Variants in RAP1GAP2 observed in about 807,000 individuals in gnomAD.
RAP1GAP2 encodes rap1 GTPase-activating protein 2.
Under a neutral mutation model 95.0 loss-of-function variants are expected in RAP1GAP2, and 27 were observed. That is an observed-to-expected ratio of 0.28 (90% CI 0.21 to 0.39). The LOEUF is 0.39. Among genes scored for constraint, RAP1GAP2 ranks in the 10% least tolerant of loss-of-function variants. The pLI, the probability that RAP1GAP2 is intolerant of heterozygous loss-of-function variation, is 1.00. For synonymous variants in RAP1GAP2, 373 were observed against 380.9 expected, an observed-to-expected ratio of 0.98 and a Z score of 0.24; for missense variants, 771 against 970.0, an observed-to-expected ratio of 0.79 and a Z score of 2.72.
Position 3,005,617 on chromosome 17 carries a change from C to G in RAP1GAP2, c.1272+177C>G, listed in dbSNP as rs2046308349. On this transcript the variant is annotated intron_variant, in intron 15 of 24. Coordinates refer to ENST00000254695, the MANE Select transcript of RAP1GAP2 (RefSeq NM_015085.5). The surrounding 1 kb of genome is among the most constrained non-coding windows in gnomAD (Gnocchi z 5.2). ...TCCCCACCTCTTTCATGCTGCCAGTCTGGCCCAGCATAGGACCACTTGTCA... is the reference window on the plus strand; with the variant it reads ...TCCCCACCTCTTTCATGCTGCCAGTGTGGCCCAGCATAGGACCACTTGTCA... Among the ~76,000 whole-genome samples, 1 of 152,196 alleles carries G rather than the reference C, an allele frequency of 6.6e-6. No homozygotes were observed. The highest frequency in any genetic ancestry group is 2.4e-5 in the African/African-American group (1 of 41,452).
chr17:2,949,049 C>G (rs1413531092), intron 3 of RAP1GAP2, among the ~76,000 whole-genome samples: 1 of 152,212 alleles, frequency 6.6e-6, no homozygotes, highest in Non-Finnish European at 1.5e-5. Flanking sequence ...GACTTCTCTG[C>G]CTTTCTGAAG....
chr17:2,791,885 A>G (rs1597315294), upstream of RAP1GAP2, among the ~76,000 whole-genome samples: 2 of 120,242 alleles, frequency 1.7e-5, no homozygotes, highest in Non-Finnish European at 1.7e-5. Context: ...TTTGAGATGG[A>G]GTCTCACTCT....
In RAP1GAP2 at chr17:2,849,998, G is replaced by GTTTTTTTTTTTT. The variant is rs1363363543; in HGVS notation, c.80+49448_80+49449insTTTTTTTTTTTT. On this transcript the variant is annotated intron_variant, in intron 2 of 24. Transcript: ENST00000254695. ...GTGTCACTAACACCTAACACTGCCT[G>GTTTTTTTTTTTT]CTTTTTTTTTTTTTTTTTTTGAGAT... is the stretch of plus-strand genomic sequence containing the variant. 4.4e-5 allele frequency among the ~76,000 whole-genome samples: 6 copies of GTTTTTTTTTTTT among 136,130 alleles called. 2 individuals are homozygous for GTTTTTTTTTTTT. Among genetic ancestry groups the GTTTTTTTTTTTT allele is most frequent in the Non-Finnish European group, 4.7e-5 (3 of 63,960 alleles). The allele number at this position is 136,130 out of a possible 152,430, so 89.3% of individuals were successfully genotyped here.
chr17:2,853,671 G>GGCGGGTCCCGGC (rs1432812372), intron 2 of RAP1GAP2, among the ~76,000 whole-genome samples: 2 of 148,006 alleles, frequency 1.4e-5, no homozygotes, highest in Admixed American at 6.7e-5. Context: ...GCGGGGCCGG[G>GGCGGGTCCCGGC]GCGGGTCCCG....
chr17:2,788,445 G>A (rs1168177420), intron 1 of RAP1GAP2, among the ~76,000 whole-genome samples: 1 of 152,098 alleles, frequency 6.6e-6, no homozygotes, highest in East Asian at 1.9e-4. Flanking sequence ...ACAGGTGCCC[G>A]CCACCATGCC....
At chr17:2,912,834 G>A (rs1284558675) in intron 3 of RAP1GAP2, among the ~76,000 whole-genome samples, 1 of 152,180 alleles carries the variant, frequency 6.6e-6, no homozygotes, top group Non-Finnish European at 1.5e-5. Context: ...CATGAGGAAG[G>A]GCTTATTTGG....
At position 3,008,287 on chromosome 17, in the gene RAP1GAP2, GT is replaced by G. The variant is rs1396796004; in HGVS notation, c.1494+145del. The stretch of plus-strand genomic sequence containing the variant: ...CAGGAAACGTATGGGTATCCTAGGT[GT>G]TTGCAAAGGGCAGGGCCGTTAGGAA... On this transcript the variant is annotated intron_variant, in intron 17 of 24. Transcript: ENST00000254695. The surrounding 1 kb of genome is among the most constrained non-coding windows in gnomAD (Gnocchi z 4.2). 7.8e-6 allele frequency: 10 copies of G among 1,275,826 alleles called. No homozygotes were observed. In the South Asian group the frequency reaches 1.1e-4, roughly 15 times the overall value. The allele number at this position is 1,275,826 out of a possible 1,614,324, so 79.0% of individuals were successfully genotyped here. A position where few individuals can be genotyped will look rare whatever the true frequency, so the allele number is the denominator to read the frequency against.
intron 1 of RAP1GAP2, among the ~76,000 whole-genome samples, chr17:2,769,481 G>A (rs1176585933): frequency 1.3e-5 from 2 of 150,532 alleles, no homozygotes; most frequent in African/African-American, 2.4e-5. Flanking sequence ...CGTGAACCTG[G>A]AAGGCGGAGC....
chr17:2,938,379 G>A (rs1429196587), intron 3 of RAP1GAP2, among the ~76,000 whole-genome samples: 2 of 152,016 alleles, frequency 1.3e-5, no homozygotes, highest in African/African-American at 2.4e-5. Flanking sequence ...CCAAGCTGGG[G>A]ACCTTGCTTT....
chr17:2,798,494 C>G (rs2069156212), intron 1 of RAP1GAP2, among the ~76,000 whole-genome samples: 1 of 152,144 alleles, frequency 6.6e-6, no homozygotes, highest in Admixed American at 6.5e-5. Context: ...GCCTCCTCAT[C>G]TGGGATGGCT....
At chr17:2,922,083 G>A (rs1226953314) in intron 3 of RAP1GAP2, among the ~76,000 whole-genome samples, 1 of 152,206 alleles carries the variant, frequency 6.6e-6, no homozygotes, top group Non-Finnish European at 1.5e-5. Context: ...ACAAACAATA[G>A]CCATTTATTT....
intron 2 of RAP1GAP2, among the ~76,000 whole-genome samples, chr17:2,899,950 A>T (rs915379245): frequency 6.6e-6 from 1 of 152,136 alleles, no homozygotes; most frequent in African/African-American, 2.4e-5. Flanking sequence ...CCTTTTGGCC[A>T]TTATGAATCA....
chr17:2,931,495 G>A (rs549137902), intron 3 of RAP1GAP2, among the ~76,000 whole-genome samples: 13 of 152,332 alleles, frequency 8.5e-5, no homozygotes, highest in East Asian at 1.9e-4. Flanking sequence ...CCCTAACCTC[G>A]TTAGGGCCTC....
chr17:2,887,971 G>A (rs1456400512), intron 2 of RAP1GAP2, among the ~76,000 whole-genome samples: 1 of 152,178 alleles, frequency 6.6e-6, no homozygotes, highest in Non-Finnish European at 1.5e-5. Flanking sequence ...GCTGCGCCTG[G>A]CCTAACTATT....
At chr17:2,815,769 A>G (rs1334400753) in intron 2 of RAP1GAP2, among the ~76,000 whole-genome samples, 1 of 152,154 alleles carries the variant, frequency 6.6e-6, no homozygotes, top group Non-Finnish European at 1.5e-5. Context: ...GGCGCGAGCC[A>G]CCGCACCCGG....
At chr17:2,889,880 TATATATATA>T (rs1274489004) in intron 2 of RAP1GAP2, among the ~76,000 whole-genome samples, 2 of 82,056 alleles carry the variant, frequency 2.4e-5, no homozygotes, top group Non-Finnish European at 4.5e-5. Flanking sequence ...TATATATATA[TATATATATA>T]TTTTTTTTTT....
At chr17:2,802,912 C>T (rs2069364062) in intron 2 of RAP1GAP2, among the ~76,000 whole-genome samples, 1 of 152,176 alleles carries the variant, frequency 6.6e-6, no homozygotes, top group Non-Finnish European at 1.5e-5. Flanking sequence ...AGATGCTTCC[C>T]TTCTCTGGGC....
chr17:2,997,498 C>G (rs1313844794), intron 13 of RAP1GAP2, among the ~76,000 whole-genome samples: 2 of 152,142 alleles, frequency 1.3e-5, no homozygotes, highest in African/African-American at 4.8e-5. Flanking sequence ...AGGGCAAGAC[C>G]CCGCCTTGCC....
chr17:3,009,010 G>A (rs1293794692), intron 17 of RAP1GAP2, among the ~76,000 whole-genome samples: 2 of 152,178 alleles, frequency 1.3e-5, no homozygotes, highest in African/African-American at 4.8e-5. Context: ...TGGATTGCCT[G>A]TTAGAAGGTG....
Sources: allele counts gnomAD v4.1 joint callset (sites outside exome capture counted in the v4.1 genomes callset), GRCh38; gene constraint gnomAD v4.1.1; non-coding constraint Gnocchi (gnomAD v3.1); transcripts MANE v1.5; gene names NCBI Gene and HGNC (gene_info 2026-07-23, HGNC 2026-07-21).